PAIP2: variants seen among roughly 807,000 people sequenced by gnomAD.
PAIP2 encodes poly(A) binding protein interacting protein 2.
In PAIP2, 7 loss-of-function variants were observed where a neutral mutation model predicts 14.8. The ratio of observed to expected loss-of-function variants is 0.47; its 90% CI spans 0.27 to 0.89. The LOEUF (loss-of-function observed/expected upper bound fraction) is 0.89, where lower values mean the gene tolerates loss of function less well. PAIP2 is among the 40% of genes least tolerant of loss of function. The pLI is 0.13. For synonymous variants in PAIP2, 47 were observed against 45.3 expected (o/e 1.04, Z -0.15); for missense variants, 122 against 154.7 (o/e 0.79, Z 1.12).
At chr5:139,345,608 G>A (rs1756516809) in intron 1 of PAIP2, among the ~76,000 whole-genome samples, 1 of 151,302 alleles carries the variant, frequency 6.6e-6, no homozygotes, top group Non-Finnish European at 1.5e-5. Flanking sequence ...GAAAGAAACA[G>A]AAGAGAACTA....
intron 1 of PAIP2, chr5:139,342,434 A>C (rs903000633): frequency 6.6e-6 from 1 of 151,882 alleles, no homozygotes; most frequent in Admixed American, 6.6e-5. Flanking sequence ...TGCGCGCCTC[A>C]GCCGAGGCTG....
chr5:139,365,590 T>C (rs546609264), intron 3 of PAIP2, among the ~76,000 whole-genome samples: 37 of 151,210 alleles, frequency 2.4e-4, no homozygotes, highest in South Asian at 6.3e-4. Context: ...CGCTTCAACC[T>C]GGAAGGCAGA....
In PAIP2 at chr5:139,351,315, T is replaced by TA. The variant is rs879691647; in HGVS notation, c.-27+9347dup. On this transcript the variant is annotated intron_variant, in intron 1 of 3. Transcript: ENST00000265192. ...CGAAGCACTACTACCTTGTCTCTAC[T>TA]AAAAAAAAAAAAGAGTGATCATAGC... is the stretch of plus-strand genomic sequence containing the variant. Among the ~76,000 whole-genome samples the TA allele has an allele frequency of 7.8e-4, 109 of 139,034 alleles. 1 individual carries two copies. Among genetic ancestry groups the TA allele is most frequent in the South Asian group, 1.1e-3 (5 of 4,444 alleles). The allele number at this position is 139,034 out of a possible 152,430, so 91.2% of individuals were successfully genotyped here. A position where few individuals can be genotyped will look rare whatever the true frequency, so the allele number is the denominator to read the frequency against.
intron 1 of PAIP2, among the ~76,000 whole-genome samples, chr5:139,354,009 A>T (rs1756832596): frequency 6.6e-6 from 1 of 152,252 alleles, no homozygotes; most frequent in South Asian, 2.1e-4. Flanking sequence ...GGCATGAGCC[A>T]CTGTGCCCAG....
chr5:139,368,834 T>C lies in PAIP2; in HGVS notation c.*36T>C. The C allele has an allele frequency of 7.0e-7, 1 of 1,424,754 alleles. No homozygotes were observed. Among genetic ancestry groups the C allele is most frequent in the Non-Finnish European group, 9.9e-7 (1 of 1,008,094 alleles). 88.3% of individuals were successfully genotyped at this position (1,424,754 alleles called of 1,614,324 possible). ...CCCTCTTTTGGTGGATGTAGCACAA[T>C]TTCCACACTGTGAAGGCAGTATTAG... On this transcript the variant is annotated 3_prime_UTR_variant, in exon 4 of 4. Coordinates refer to ENST00000265192, the MANE Select transcript of PAIP2 (RefSeq NM_016480.5).
chr5:139,343,520 C>T (rs575413538), intron 1 of PAIP2: 2 of 152,230 alleles, frequency 1.3e-5, no homozygotes, highest in African/African-American at 4.8e-5. Context: ...GTGTGATGCT[C>T]CAGTTTTAGT....
At chr5:139,368,190 T>G (rs1330963245) in intron 3 of PAIP2, among the ~76,000 whole-genome samples, 2 of 151,710 alleles carry the variant, frequency 1.3e-5, no homozygotes, top group Non-Finnish European at 1.5e-5. Context: ...AACAAAAAAT[T>G]AGCTGGGCGT....
intron 1 of PAIP2, chr5:139,343,126 T>G (rs901800799): frequency 3.9e-5 from 6 of 152,204 alleles, no homozygotes; most frequent in Non-Finnish European, 8.8e-5. Flanking sequence ...AAGTAAAAGT[T>G]CTCTACAATA....
chr5:139,361,769 A>T (rs1355965045), intron 1 of PAIP2, among the ~76,000 whole-genome samples: 5 of 151,960 alleles, frequency 3.3e-5, no homozygotes, highest in Non-Finnish European at 7.4e-5. Context: ...ACATGGTGAA[A>T]CCCAGTCTCT....
At chr5:139,353,845 G>T (rs1394084948) in intron 1 of PAIP2, among the ~76,000 whole-genome samples, 1 of 151,420 alleles carries the variant, frequency 6.6e-6, no homozygotes, top group Admixed American at 6.6e-5. Context: ...TCAGCCTCCC[G>T]AGTAGCTGAG....
At chr5:139,347,523 C>G (rs1481871419) in intron 1 of PAIP2, among the ~76,000 whole-genome samples, 1 of 152,116 alleles carries the variant, frequency 6.6e-6, no homozygotes, top group Non-Finnish European at 1.5e-5. Context: ...ATCCACCCAC[C>G]TTGGCCTCCC....
intron 3 of PAIP2, 24 bp from the exon 4 acceptor site, chr5:139,368,708 GC>G (rs768273073): frequency 1.9e-5 from 29 of 1,561,966 alleles, no homozygotes; most frequent in Middle Eastern, 1.7e-4. Flanking sequence ...TAATGAACTT[GC>G]TTTTTTATGT....
intron 1 of PAIP2, among the ~76,000 whole-genome samples, chr5:139,352,488 G>GTTTTTTTTTTTTTA (rs1185620394): frequency 1.1e-5 from 1 of 94,824 alleles, no homozygotes; most frequent in African/African-American, 3.2e-5. Context: ...ATTCCTGCCA[G>GTTTTTTTTTTTTTA]TTTTTTTTTT....
intron 3 of PAIP2, 129 bp downstream of exon 3, chr5:139,364,872 A>G (rs1172284945): frequency 1.5e-6 from 1 of 653,718 alleles, no homozygotes; most frequent in East Asian, 2.8e-5. Flanking sequence ...CTGGCCGGGC[A>G]TGTGGCTCAC....
chr5:139,367,139 G>A (rs1757297488), intron 3 of PAIP2: 1 of 152,168 alleles, frequency 6.6e-6, no homozygotes, highest in South Asian at 2.1e-4. Flanking sequence ...TCCCTTGGGG[G>A]AAGGGAGAAT....
At chr5:139,363,725 G>A in intron 1 of PAIP2, 34 bp from the exon 2 acceptor site, 2 of 1,582,012 alleles carry the variant, frequency 1.3e-6, no homozygotes, top group Non-Finnish European at 8.6e-7. Flanking sequence ...CCCTGAATGA[G>A]TAAGTAAATT....
intron 3 of PAIP2, among the ~76,000 whole-genome samples, chr5:139,367,937 C>T (rs899171091): frequency 2.6e-5 from 4 of 152,222 alleles, no homozygotes; most frequent in Admixed American, 2.0e-4. Context: ...GGTGCAGTGG[C>T]TCACGCCTGT....
intron 1 of PAIP2, among the ~76,000 whole-genome samples, chr5:139,348,289 A>T (rs576705778): frequency 6.6e-6 from 1 of 151,438 alleles, no homozygotes; most frequent in African/African-American, 2.4e-5. Flanking sequence ...CCCAGGCTCG[A>T]GCAATTCTCC....
intron 3 of PAIP2, chr5:139,367,656 T>G (rs1222652445): frequency 6.6e-6 from 1 of 152,192 alleles, no homozygotes; most frequent in East Asian, 1.9e-4. Flanking sequence ...AGATGGCAAT[T>G]GTAGAAAAAC....
Sources: allele counts gnomAD v4.1 joint callset (sites outside exome capture counted in the v4.1 genomes callset), GRCh38; gene constraint gnomAD v4.1.1; transcripts MANE v1.5; gene names NCBI Gene and HGNC (gene_info 2026-07-23, HGNC 2026-07-21).